Variants in PRCP observed in about 807,000 individuals in gnomAD.
PRCP encodes lysosomal Pro-X carboxypeptidase.
PRCP carries 46 observed loss-of-function variants against 54.2 expected under a neutral mutation model. That is an observed-to-expected ratio of 0.85 (90% CI 0.67 to 1.09). PRCP has a LOEUF of 1.09. Among genes scored for constraint, PRCP ranks in the 50% least tolerant of loss-of-function variants. The probability of loss-of-function intolerance (pLI) is 0.00; values close to 1 mark genes in which losing one functional copy is unlikely to be tolerated. For missense variants in PRCP, 613 were observed against 596.8 expected, an observed-to-expected ratio of 1.03 and a Z score of -0.28; for synonymous variants, 240 against 212.2, an observed-to-expected ratio of 1.13 and a Z score of -1.14.
intron 1 of PRCP, chr11:82,884,705 G>A: frequency 1.4e-6 from 2 of 1,429,902 alleles, no homozygotes; most frequent in Non-Finnish European, 9.6e-7. Flanking sequence ...GGAAAAAGAA[G>A]AGAATTTGCA....
intron 2 of PRCP, among the ~76,000 whole-genome samples, chr11:82,855,016 T>C (rs1859049197): frequency 6.6e-6 from 1 of 152,078 alleles, no homozygotes; most frequent in Non-Finnish European, 1.5e-5. Context: ...TATACAAAAA[T>C]CAACTCAAAA....
intron 1 of PRCP, among the ~76,000 whole-genome samples, chr11:82,877,117 C>A (rs1272446030): frequency 6.6e-6 from 1 of 152,126 alleles, no homozygotes; most frequent in African/African-American, 2.4e-5. Context: ...TTTTGCCCCA[C>A]CCTAGAGATT....
In PRCP at chr11:82,824,702, CGT is replaced by C. The variant is rs1284146751; in HGVS notation, c.*202_*203del. 1.8e-6 allele frequency: 1 copy of C among 566,454 alleles called. No homozygotes were observed. Among genetic ancestry groups the C allele is most frequent in the African/African-American group, 1.9e-5 (1 of 53,100 alleles). 35.1% of individuals were successfully genotyped at this position (566,454 alleles called of 1,614,324 possible). Reference sequence around the variant, plus strand: ...AGCTATCAAGAAGATTCTTCCTAGACGTGGTGCAAAGACAGTGAGAACCCAGG... The same window carrying C: ...AGCTATCAAGAAGATTCTTCCTAGACGGTGCAAAGACAGTGAGAACCCAGG... On this transcript the variant is annotated 3_prime_UTR_variant, in exon 9 of 9. Transcript: ENST00000313010.
intron 1 of PRCP, among the ~76,000 whole-genome samples, chr11:82,889,242 C>G (rs192784833): frequency 5.3e-4 from 80 of 152,090 alleles, no homozygotes; most frequent in Admixed American, 4.8e-3. Flanking sequence ...CCTTTAGTCT[C>G]AGCTACTCAA....
chr11:82,874,808 A>G (rs890998169), intron 1 of PRCP, among the ~76,000 whole-genome samples: 4 of 152,130 alleles, frequency 2.6e-5, no homozygotes, highest in African/African-American at 9.6e-5. Flanking sequence ...GTCCTGGAGC[A>G]GGCAATAGTT....
At chr11:82,846,681 T>A (rs184734647) in intron 6 of PRCP, among the ~76,000 whole-genome samples, 1 of 152,320 alleles carries the variant, frequency 6.6e-6, no homozygotes, top group East Asian at 1.9e-4. Context: ...CATAAAAGGA[T>A]TGCAGTAAAT....
At chr11:82,842,541 C>T (rs1459546080) in intron 6 of PRCP, among the ~76,000 whole-genome samples, 3 of 152,178 alleles carry the variant, frequency 2.0e-5, no homozygotes, top group East Asian at 1.9e-4. Flanking sequence ...AAAATTGGGT[C>T]ATTCCCCACC....
chr11:82,900,259 A>G lies in PRCP; in HGVS notation c.144T>C (p.Tyr48=). 1 of 1,614,218 alleles carries G rather than the reference A, an allele frequency of 6.2e-7. No homozygotes were observed. Residue 48 remains tyrosine (Y), a synonymous_variant, in exon 1 of 9, where the codon TAT becomes TAC. Transcript: ENST00000313010. ...CCTTCTGTTGGAAGTAGAGAACCGA[A>G]TAGTTCTTGGCTACAGCCGGGAGGG... ...PTSLPAVAKN[Y]SVLYFQQKVD... is the part of the protein sequence containing the mutation.
At chr11:82,864,246 C>G (rs147087706) in intron 1 of PRCP, among the ~76,000 whole-genome samples, 2 of 152,334 alleles carry the variant, frequency 1.3e-5, no homozygotes, top group East Asian at 3.9e-4. Flanking sequence ...ACTGGAAATA[C>G]GTAGTGAAAT....
At chr11:82,838,711 C>A in intron 7 of PRCP, 137 bp from the exon 8 acceptor site, 1 of 738,774 alleles carries the variant, frequency 1.4e-6, no homozygotes, top group East Asian at 2.8e-5. Flanking sequence ...ACGCCCTGTT[C>A]TTTACTTCTG....
At chr11:82,859,891 T>A in intron 2 of PRCP, 86 bp downstream of exon 2, 1 of 1,299,520 alleles carries the variant, frequency 7.7e-7, no homozygotes, top group Non-Finnish European at 1.0e-6. Flanking sequence ...CAGCAATGTT[T>A]GGTCATACAT....
intron 2 of PRCP, among the ~76,000 whole-genome samples, chr11:82,856,833 G>A (rs940579443): frequency 9.9e-5 from 15 of 152,114 alleles, no homozygotes; most frequent in African/African-American, 3.6e-4. Context: ...CGGATCACGA[G>A]GTCAGGAGAT....
intron 1 of PRCP, among the ~76,000 whole-genome samples, chr11:82,896,261 G>A (rs778008020): frequency 6.6e-6 from 1 of 152,070 alleles, no homozygotes; most frequent in African/African-American, 2.4e-5. Context: ...CATGGTGCCC[G>A]GCTATTTAGT....
intron 1 of PRCP, among the ~76,000 whole-genome samples, chr11:82,899,249 C>T (rs928393274): frequency 6.6e-6 from 1 of 152,164 alleles, no homozygotes; most frequent in Non-Finnish European, 1.5e-5. Context: ...TATATGAGTG[C>T]CTACTTGAAG....
chr11:82,841,264 G>A lies in PRCP; in HGVS notation c.922-1839C>T, dbSNP rs552256424. ...GTTCTGCCTGGCACCAGCTGCCAGC[G>A]GGGGAAAAAAAAAAAAAGGAAAACT... On this transcript the variant is annotated intron_variant, in intron 6 of 8. Coordinates refer to ENST00000313010, the MANE Select transcript of PRCP (RefSeq NM_005040.4). Among the ~76,000 whole-genome samples, 35 of 121,564 alleles carry A rather than the reference G, an allele frequency of 2.9e-4. 2 individuals carry two copies. The South Asian group carries it at 6.7e-3, about 23-fold the overall frequency. The allele number at this position is 121,564 out of a possible 152,430, so 79.8% of individuals were successfully genotyped here.
chr11:82,900,139 G>T, intron 1 of PRCP, 96 bp downstream of exon 1: 2 of 1,443,514 alleles, frequency 1.4e-6, no homozygotes, highest in Non-Finnish European at 1.9e-6. Flanking sequence ...GGCATCAAGG[G>T]GTGTGAATTT....
intron 1 of PRCP, among the ~76,000 whole-genome samples, chr11:82,875,175 G>A (rs1467505933): frequency 6.6e-6 from 1 of 152,184 alleles, no homozygotes; most frequent in Non-Finnish European, 1.5e-5. Context: ...ATGGAGTAGA[G>A]AGGCTGTGTT....
At position 82,839,328 on chromosome 11, in the gene PRCP, T is replaced by G. The variant is rs151083527; in HGVS notation, c.1019A>C (p.Gln340Pro). 4.3e-6 allele frequency: 7 copies of G among 1,614,074 alleles called. No individual in the cohort carries two copies. Among genetic ancestry groups the G allele is most frequent in the Non-Finnish European group, 5.9e-6 (7 of 1,179,946 alleles). Residue 340 changes from glutamine to proline, a missense_variant, in exon 7 of 9, where the codon CAG becomes CCG. By Grantham distance (76) the Gln-to-Pro change is moderately conservative. Coordinates refer to ENST00000313010, the MANE Select transcript of PRCP (RefSeq NM_005040.4). ...ALNVYYNYSG[Q>P]VKCLNISETA... ...CTCTGAAATATTCAGGCATTTCACC[T>G]GGCCCGAATAATTGTAATATACATT...
chr11:82,891,521 A>G (rs1860009111), intron 1 of PRCP, among the ~76,000 whole-genome samples: 1 of 152,044 alleles, frequency 6.6e-6, no homozygotes, highest in African/African-American at 2.4e-5. Context: ...TTTACGGCCA[A>G]ATTCCTTACA....
Sources: allele counts gnomAD v4.1 joint callset (sites outside exome capture counted in the v4.1 genomes callset), GRCh38; gene constraint gnomAD v4.1.1; transcripts MANE v1.5; gene names NCBI Gene and HGNC (gene_info 2026-07-23, HGNC 2026-07-21).